AKR1E2: variants seen among roughly 807,000 people sequenced by gnomAD.
AKR1E2 encodes the protein 1,5-anhydro-D-fructose reductase.
A neutral mutation model predicts 41.9 loss-of-function variants in AKR1E2; 43 were observed. The observed-to-expected ratio is 1.03, with a 90% CI of 0.80 to 1.32. AKR1E2 has a LOEUF of 1.32. Among genes scored for constraint, AKR1E2 ranks in the 40% most tolerant of loss-of-function variants. AKR1E2 has a pLI of 0.00. For synonymous variants in AKR1E2, 121 were observed against 138.9 expected (o/e 0.87, Z 0.91); for missense variants, 423 against 396.5 (o/e 1.07, Z -0.57).
the AKR1E2 span, among the ~76,000 whole-genome samples, chr10:4,860,378 A>G: frequency 6.6e-6 from 1 of 152,200 alleles, no homozygotes; most frequent in Non-Finnish European, 1.5e-5. Flanking sequence ...TCGTTTTTAT[A>G]GACAGAAGCT....
intron 1 of AKR1E2, 32 bp downstream of exon 1, chr10:4,826,395 G>T: frequency 8.1e-7 from 1 of 1,232,426 alleles, no homozygotes. Context: ...AGGCGCGCCT[G>T]ACCTAGGGGA....
intron 4 of AKR1E2, 46 bp from the exon 5 acceptor site, chr10:4,837,413 T>A: frequency 6.2e-7 from 1 of 1,604,116 alleles, no homozygotes; most frequent in Non-Finnish European, 8.5e-7. Flanking sequence ...AGATTGTCAG[T>A]GCAGTAGACA....
chr10:4,851,656 A>T (rs1373119769), downstream of AKR1E2, among the ~76,000 whole-genome samples: 7 of 152,206 alleles, frequency 4.6e-5, no homozygotes. Context: ...ACAGGTTTTA[A>T]CTGAATCTTC....
the AKR1E2 span, among the ~76,000 whole-genome samples, chr10:4,870,795 C>G: frequency 8.6e-5 from 13 of 151,960 alleles, no homozygotes; most frequent in Non-Finnish European, 1.2e-4. Context: ...CACTTATCTT[C>G]TTACTCTGTA....
the AKR1E2 span, among the ~76,000 whole-genome samples, chr10:4,861,200 A>G: frequency 4.6e-5 from 7 of 152,206 alleles, no homozygotes; most frequent in Non-Finnish European, 1.0e-4. Flanking sequence ...TTTAACAACA[A>G]AATCTCACAG....
At chr10:4,866,703 C>T in the AKR1E2 span, among the ~76,000 whole-genome samples, 189 of 145,962 alleles carry the variant, frequency 1.3e-3, no homozygotes, top group African/African-American at 4.6e-3. Context: ...TGCAGTGGCG[C>T]CATCTCGGCT....
At chr10:4,869,693 A>G in the AKR1E2 span, among the ~76,000 whole-genome samples, 2 of 151,948 alleles carry the variant, frequency 1.3e-5, no homozygotes, top group South Asian at 4.2e-4. Flanking sequence ...ACAATTTGAT[A>G]TGTTGCGTTT....
the AKR1E2 span, among the ~76,000 whole-genome samples, chr10:4,858,364 C>T: frequency 6.6e-6 from 1 of 152,162 alleles, no homozygotes; most frequent in African/African-American, 2.4e-5. Flanking sequence ...TTCATTCATT[C>T]ATTCATTCAT....
chr10:4,866,888 C>T, the AKR1E2 span, among the ~76,000 whole-genome samples: 1 of 152,042 alleles, frequency 6.6e-6, no homozygotes, highest in East Asian at 1.9e-4. Flanking sequence ...GTTTACTGAT[C>T]TGAGTGGGGC....
At chr10:4,864,357 A>C in the AKR1E2 span, among the ~76,000 whole-genome samples, 5 of 152,320 alleles carry the variant, frequency 3.3e-5, no homozygotes, top group East Asian at 9.6e-4. Flanking sequence ...CGAAGACAAA[A>C]ACCACATGAT....
chr10:4,833,433 C>T lies in AKR1E2; in HGVS notation c.291C>T (p.Asp97=). 1 of 1,614,074 alleles carries T rather than the reference C, an allele frequency of 6.2e-7. No homozygotes were observed. The highest frequency in any genetic ancestry group is 8.5e-7 in the Non-Finnish European group (1 of 1,179,952). ...AGGCCTTGAAGCTGAACTATTTGGA[C>T]CTCTACCTCATACACTGGCCCATGG... ...SLKALKLNYL[D]LYLIHWPMGF... Residue 97 remains aspartate, a synonymous_variant, in exon 3 of 10, where the codon GAC becomes GAT. Coordinates refer to ENST00000298375, the MANE Select transcript of AKR1E2 (RefSeq NM_001040177.3).
intron 6 of AKR1E2, among the ~76,000 whole-genome samples, chr10:4,840,384 C>T (rs1283425393): frequency 2.0e-5 from 3 of 152,262 alleles, no homozygotes; most frequent in Non-Finnish European, 4.4e-5. Context: ...TCTGCCATCA[C>T]TGTCACTGCC....
At chr10:4,838,051 G>A (rs1833577726) in intron 5 of AKR1E2, among the ~76,000 whole-genome samples, 1 of 152,350 alleles carries the variant, frequency 6.6e-6, no homozygotes, top group Non-Finnish European at 1.5e-5. Context: ...AATAACTATT[G>A]TATTTTCTAG....
the AKR1E2 span, among the ~76,000 whole-genome samples, chr10:4,856,069 G>A: frequency 6.6e-6 from 1 of 152,160 alleles, no homozygotes. Flanking sequence ...AGTAAAAGTC[G>A]CTTAGAGTTA....
intron 8 of AKR1E2, 138 bp downstream of exon 8, chr10:4,842,642 T>G: frequency 1.4e-6 from 1 of 704,132 alleles, no homozygotes; most frequent in Non-Finnish European, 2.4e-6. Context: ...TGGGTGTTGG[T>G]GGTTGACCTT....
At chr10:4,825,007 C>T, upstream of AKR1E2, 1 of 455,960 alleles carries the variant, frequency 2.2e-6, no homozygotes, top group Non-Finnish European at 4.4e-6. Flanking sequence ...ATTTTCAGCA[C>T]TGCACCCTGG....
intron 2 of AKR1E2, 27 bp from the exon 3 acceptor site, chr10:4,833,323 G>A: frequency 1.3e-6 from 2 of 1,587,074 alleles, no homozygotes; most frequent in Non-Finnish European, 1.7e-6. Context: ...GTGGGCACGT[G>A]TGACGCTGGT....
chr10:4,868,285 TTCTC>T, the AKR1E2 span, among the ~76,000 whole-genome samples: 1 of 152,168 alleles, frequency 6.6e-6, no homozygotes, highest in South Asian at 2.1e-4. Context: ...TTTTATTCCT[TTCTC>T]TATATGGCCA....
intron 5 of AKR1E2, among the ~76,000 whole-genome samples, chr10:4,838,170 T>C (rs1439493104): frequency 6.6e-6 from 1 of 152,254 alleles, no homozygotes; most frequent in African/African-American, 2.4e-5. Context: ...AAACTGAGCA[T>C]AGCTCTGGGA....
Sources: gnomAD v4.1 joint callset for allele counts (sites outside exome capture counted in the v4.1 genomes callset) on GRCh38, gnomAD v4.1.1 for gene constraint, MANE v1.5 for transcripts, NCBI Gene and HGNC (gene_info 2026-07-23, HGNC 2026-07-21) for gene names.